ARHGAP10: variants seen among roughly 807,000 people sequenced by gnomAD.
ARHGAP10 encodes the protein Rho GTPase activating protein 10, also known as rho GTPase-activating protein 10.
Under a neutral mutation model 108.6 loss-of-function variants are expected in ARHGAP10, and 87 were observed. That is an observed-to-expected ratio of 0.80 (90% confidence interval 0.67 to 0.96). The LOEUF is 0.96. Ranked by LOEUF, ARHGAP10 falls within the 40% of genes least tolerant of loss-of-function variation. The pLI is 0.00. For missense variants in ARHGAP10, 939 were observed against 954.5 expected, an observed-to-expected ratio of 0.98 and a Z score of 0.21; for synonymous variants, 347 against 341.1, an observed-to-expected ratio of 1.02 and a Z score of -0.19.
intron 13 of ARHGAP10, among the ~76,000 whole-genome samples, chr4:147,930,441 A>G (rs1194601402): frequency 1.3e-5 from 2 of 152,230 alleles, no homozygotes; most frequent in African/African-American, 4.8e-5. Context: ...ATATGGAGCT[A>G]TCGGGTATAA....
chr4:148,035,790 G>A (rs1728352329), intron 19 of ARHGAP10, among the ~76,000 whole-genome samples: 1 of 152,280 alleles, frequency 6.6e-6, no homozygotes, highest in East Asian at 1.9e-4. Flanking sequence ...CAGGGTTAAT[G>A]TCTTAATCTT....
intron 20 of ARHGAP10, among the ~76,000 whole-genome samples, chr4:148,052,339 T>TA (rs540156426): frequency 0.12 from 12,457 of 104,898 alleles, 839 homozygotes; most frequent in Middle Eastern, 0.22. Flanking sequence ...TCTGATTATG[T>TA]AAAAAAAAAA....
At chr4:147,876,142 A>G (rs951499440) in intron 8 of ARHGAP10, among the ~76,000 whole-genome samples, 1 of 152,184 alleles carries the variant, frequency 6.6e-6, no homozygotes, top group African/African-American at 2.4e-5. Context: ...AGGCAGCAGG[A>G]TGGTTGTGCC....
chr4:147,797,402 A>G (rs1266178401), intron 1 of ARHGAP10, among the ~76,000 whole-genome samples: 1 of 151,292 alleles, frequency 6.6e-6, no homozygotes, highest in Non-Finnish European at 1.5e-5. Context: ...GGTCCAACGT[A>G]CCCTCCCCAC....
At chr4:147,796,261 A>G (rs1024055448) in intron 1 of ARHGAP10, among the ~76,000 whole-genome samples, 5 of 152,236 alleles carry the variant, frequency 3.3e-5, no homozygotes, top group Admixed American at 3.3e-4. Context: ...AGAAAGATGA[A>G]TATAATTAAT....
intron 8 of ARHGAP10, among the ~76,000 whole-genome samples, chr4:147,876,602 A>C (rs972806454): frequency 6.6e-6 from 1 of 152,164 alleles, no homozygotes; most frequent in South Asian, 2.1e-4. Flanking sequence ...CAAAAAAAGG[A>C]AAAAAACAAA....
rs151004924 is a variant in ARHGAP10 at position 148,020,539 on chromosome 4, G to GTTTT, written c.1717-2721_1717-2718dup. Among the ~76,000 whole-genome samples the GTTTT allele has an allele frequency of 8.3e-4, 121 of 146,350 alleles. 2 individuals carry two copies. Among genetic ancestry groups the GTTTT allele is most frequent in the African/African-American group, 2.8e-3 (108 of 38,940 alleles). On this transcript the variant is annotated intron_variant, in intron 18 of 22. Transcript: ENST00000336498. Reference sequence around the variant, plus strand: ...CTCCTACTTATAAGTGAGAACATGCGTTTTTTGTTTTTTTTTTTATTCCTG... The same window carrying GTTTT: ...CTCCTACTTATAAGTGAGAACATGCGTTTTTTTTTTGTTTTTTTTTTTATTCCTG...
intron 1 of ARHGAP10, among the ~76,000 whole-genome samples, chr4:147,794,872 C>T (rs761681218): frequency 6.6e-6 from 1 of 152,114 alleles, no homozygotes; most frequent in Non-Finnish European, 1.5e-5. Flanking sequence ...ACAGTGTAAC[C>T]AGTTCCCCTT....
intron 18 of ARHGAP10, among the ~76,000 whole-genome samples, chr4:148,017,651 A>AATATATATATATATATAT (rs1741394122): frequency 1.4e-5 from 1 of 73,374 alleles, no homozygotes; most frequent in South Asian, 4.9e-4. Flanking sequence ...TGAGCCAGTA[A>AATATATATATATATATAT]CTATATATAT....
At chr4:147,776,646 A>C (rs551751512) in intron 1 of ARHGAP10, among the ~76,000 whole-genome samples, 54 of 152,262 alleles carry the variant, frequency 3.5e-4, no homozygotes, top group African/African-American at 1.3e-3. Context: ...AACTTTTGAT[A>C]AATGTGCACA....
intron 1 of ARHGAP10, among the ~76,000 whole-genome samples, chr4:147,819,948 C>T (rs1004994976): frequency 3.3e-5 from 5 of 152,050 alleles, no homozygotes; most frequent in Non-Finnish European, 5.9e-5. Flanking sequence ...AATGAGGTTC[C>T]GGAGTGGGAA....
At chr4:147,750,614 T>TGG (rs397969316) in intron 1 of ARHGAP10, among the ~76,000 whole-genome samples, 1 of 150,230 alleles carries the variant, frequency 6.7e-6, no homozygotes, top group Admixed American at 6.7e-5. Context: ...TTTTTTTTTT[T>TGG]GGGGGGGGTT....
At chr4:147,994,059 C>G (rs538334047) in intron 18 of ARHGAP10, among the ~76,000 whole-genome samples, 2 of 152,236 alleles carry the variant, frequency 1.3e-5, no homozygotes, top group Non-Finnish European at 2.9e-5. Context: ...CATTTATAGC[C>G]TGACTTCTTC....
At chr4:147,738,180 C>G (rs1728495328) in intron 1 of ARHGAP10, among the ~76,000 whole-genome samples, 1 of 152,090 alleles carries the variant, frequency 6.6e-6, no homozygotes, top group Admixed American at 6.6e-5. Flanking sequence ...GGTTCATACC[C>G]AAGCTCAACC....
intron 1 of ARHGAP10, among the ~76,000 whole-genome samples, chr4:147,746,459 G>A (rs1030688018): frequency 9.9e-5 from 15 of 150,814 alleles, no homozygotes; most frequent in Admixed American, 4.6e-4. Context: ...GGAATGCAGC[G>A]GCGCGATCTT....
At chr4:147,926,353 A>G (rs1737460936) in intron 13 of ARHGAP10, among the ~76,000 whole-genome samples, 1 of 152,114 alleles carries the variant, frequency 6.6e-6, no homozygotes, top group South Asian at 2.1e-4. Context: ...TTTGCAGTGG[A>G]AAGAAGGGAT....
chr4:147,775,762 A>T (rs1040395455), intron 1 of ARHGAP10, among the ~76,000 whole-genome samples: 2 of 152,198 alleles, frequency 1.3e-5, no homozygotes, highest in Admixed American at 6.5e-5. Context: ...CCTTTTGCAC[A>T]GAATTATGGT....
At chr4:147,766,471 C>T (rs1729817168) in intron 1 of ARHGAP10, among the ~76,000 whole-genome samples, 1 of 151,374 alleles carries the variant, frequency 6.6e-6, no homozygotes. Flanking sequence ...CAGTTTTTTC[C>T]CTCAAATTGT....
intron 16 of ARHGAP10, among the ~76,000 whole-genome samples, chr4:147,959,614 G>A (rs376955511): frequency 3.3e-5 from 5 of 152,020 alleles, no homozygotes; most frequent in East Asian, 1.9e-4. Flanking sequence ...GAGAACATGC[G>A]GTGTTTGGTT....
Sources: gnomAD v4.1 joint callset for allele counts (sites outside exome capture counted in the v4.1 genomes callset) on GRCh38, gnomAD v4.1.1 for gene constraint, MANE v1.5 for transcripts, NCBI Gene and HGNC (gene_info 2026-07-23, HGNC 2026-07-21) for gene names.